Variants in POLE2 observed in about 807,000 individuals in gnomAD.
The protein encoded by POLE2 is DNA polymerase epsilon 2, accessory subunit.
A neutral mutation model predicts 79.4 loss-of-function variants in POLE2; 56 were observed. The observed-to-expected ratio is 0.71, with a 90% CI of 0.57 to 0.88. The LOEUF (loss-of-function observed/expected upper bound fraction) is 0.88. Among genes scored for constraint, POLE2 ranks in the 40% least tolerant of loss-of-function variants. The probability of loss-of-function intolerance (pLI) is 0.00; values close to 1 mark genes in which losing one functional copy is unlikely to be tolerated. For missense variants in POLE2, 598 were observed against 638.9 expected (o/e 0.94, Z 0.69); for synonymous variants, 212 against 214.0 (o/e 0.99, Z 0.08).
At chr14:49,669,424 A>AATAGTTT in intron 6 of POLE2, 100 bp downstream of exon 6, 1 of 699,992 alleles carries the variant, frequency 1.4e-6, no homozygotes, top group East Asian at 2.6e-5. Flanking sequence ...AACAGTTACC[A>AATAGTTT]ATAGTTTATT....
At chr14:49,674,050 TC>T (rs1336478345) in intron 5 of POLE2, 72 bp downstream of exon 5, 3 of 903,702 alleles carry the variant, frequency 3.3e-6, no homozygotes, top group African/African-American at 3.3e-5. Flanking sequence ...CCCTGAGATT[TC>T]CCTAAACTGA....
At chr14:49,675,786 T>C (rs987234079) in intron 3 of POLE2, among the ~76,000 whole-genome samples, 4 of 151,490 alleles carry the variant, frequency 2.6e-5, no homozygotes, top group Non-Finnish European at 4.4e-5. Flanking sequence ...TGGAGTCTAG[T>C]TCTGTCGCCC....
chr14:49,672,141 A>G (rs899986249), intron 5 of POLE2, among the ~76,000 whole-genome samples: 1 of 152,222 alleles, frequency 6.6e-6, no homozygotes, highest in Non-Finnish European at 1.5e-5. Context: ...CAATAATTCC[A>G]TATTTCAGTT....
intron 8 of POLE2, 71 bp from the exon 9 acceptor site, chr14:49,664,745 A>G (rs2139649572): frequency 2.2e-6 from 2 of 917,152 alleles, no homozygotes; most frequent in East Asian, 2.4e-5. Context: ...TTTGAGTCCA[A>G]CAAGGCTTCT....
chr14:49,664,219 T>C (rs193116843), intron 9 of POLE2, among the ~76,000 whole-genome samples: 1 of 146,842 alleles, frequency 6.8e-6, no homozygotes, highest in African/African-American at 2.5e-5. Context: ...CATGGTGGCA[T>C]GCGCCTATAA....
intron 6 of POLE2, among the ~76,000 whole-genome samples, chr14:49,669,043 A>G (rs1173640018): frequency 1.3e-5 from 2 of 152,158 alleles, no homozygotes; most frequent in Non-Finnish European, 1.5e-5. Context: ...TCTCTTATTC[A>G]TTCTATAAAT....
At chr14:49,666,107 G>A (rs769634809) in intron 7 of POLE2, among the ~76,000 whole-genome samples, 1 of 152,182 alleles carries the variant, frequency 6.6e-6, no homozygotes, top group Non-Finnish European at 1.5e-5. Flanking sequence ...GATTACAGGC[G>A]TGAGCCACCG....
At chr14:49,675,297 T>C (rs1442216481) in intron 3 of POLE2, among the ~76,000 whole-genome samples, 1 of 152,004 alleles carries the variant, frequency 6.6e-6, no homozygotes, top group Non-Finnish European at 1.5e-5. Flanking sequence ...TTGGTCAGGC[T>C]GGTCACTAAC....
chr14:49,684,051 A>G (rs958629264), intron 1 of POLE2, among the ~76,000 whole-genome samples: 2 of 152,198 alleles, frequency 1.3e-5, no homozygotes, highest in African/African-American at 4.8e-5. Context: ...GCAAGAGTCC[A>G]TCTGTTTCAA....
chr14:49,666,296 G>T, intron 7 of POLE2, 34 bp downstream of exon 7: 1 of 1,072,546 alleles, frequency 9.3e-7, no homozygotes, highest in Non-Finnish European at 1.4e-6. Flanking sequence ...TCAATCCAAG[G>T]CCAAAAATAA....
chr14:49,649,578 T>G (rs995715176), intron 17 of POLE2, among the ~76,000 whole-genome samples: 23 of 151,800 alleles, frequency 1.5e-4, no homozygotes, highest in Non-Finnish European at 2.9e-4. Flanking sequence ...GCCTCCCAAG[T>G]AGGTGGGATT....
At chr14:49,666,771 T>C (rs1311761263) in intron 6 of POLE2, among the ~76,000 whole-genome samples, 1 of 152,220 alleles carries the variant, frequency 6.6e-6, no homozygotes, top group African/African-American at 2.4e-5. Flanking sequence ...TTTTGAAAAC[T>C]AGCAAGCTAT....
intron 11 of POLE2, among the ~76,000 whole-genome samples, chr14:49,655,364 C>A (rs1392262880): frequency 2.0e-5 from 3 of 151,768 alleles, no homozygotes; most frequent in Admixed American, 6.6e-5. Flanking sequence ...CACTTAAACC[C>A]AGTTTGTTTT....
At chr14:49,688,032 C>T in intron 1 of POLE2, 104 bp downstream of exon 1, 2 of 943,226 alleles carry the variant, frequency 2.1e-6, no homozygotes, top group Non-Finnish European at 1.6e-6. Flanking sequence ...GGTCAAGCCC[C>T]CTCTCGGCGC....
At chr14:49,654,363 G>A (rs1319039550) in intron 13 of POLE2, 149 bp from the exon 14 acceptor site, 1 of 634,166 alleles carries the variant, frequency 1.6e-6, no homozygotes, top group African/African-American at 1.8e-5. Flanking sequence ...TAAGTCTCCA[G>A]ACCAACACTG....
At chr14:49,687,150 G>C (rs898296541) in intron 1 of POLE2, among the ~76,000 whole-genome samples, 1 of 151,750 alleles carries the variant, frequency 6.6e-6, no homozygotes, top group African/African-American at 2.4e-5. Flanking sequence ...AATCAGCCAG[G>C]TATGGTGGCC....
At chr14:49,681,211 C>A in intron 2 of POLE2, 1 of 181,430 alleles carries the variant, frequency 5.5e-6, no homozygotes, top group East Asian at 1.2e-4. Flanking sequence ...TTCTTCTTTC[C>A]AGTCCCATGC....
chr14:49,688,041 G>C, intron 1 of POLE2, 95 bp downstream of exon 1: 2 of 1,045,718 alleles, frequency 1.9e-6, no homozygotes, highest in Non-Finnish European at 2.8e-6. Flanking sequence ...CCCTCTCGGC[G>C]CGCGGGGAGC....
intron 17 of POLE2, 84 bp downstream of exon 17, chr14:49,650,181 T>A (rs1418048274): frequency 3.0e-6 from 2 of 659,246 alleles, no homozygotes; most frequent in Non-Finnish European, 4.4e-6. Context: ...TCGACAATAA[T>A]CTTATTAAAT....
Sources: allele counts gnomAD v4.1 joint callset (sites outside exome capture counted in the v4.1 genomes callset), GRCh38; gene constraint gnomAD v4.1.1; transcripts MANE v1.5; gene names NCBI Gene and HGNC (gene_info 2026-07-23, HGNC 2026-07-21).